The following ATP8A1 variants were observed in gnomAD, a reference collection of about 807,000 sequenced individuals.
ATP8A1 encodes ATPase phospholipid transporting 8A1, also known as phospholipid-transporting ATPase IA.
A neutral mutation model predicts 177.7 loss-of-function variants in ATP8A1; 90 were observed. That is an observed-to-expected ratio of 0.51 (90% CI 0.43 to 0.60). The LOEUF is 0.60. Ranked by LOEUF, ATP8A1 falls within the 20% of genes least tolerant of loss-of-function variation. ATP8A1 has a pLI of 0.00. For synonymous variants in ATP8A1, 493 were observed against 485.9 expected (o/e 1.01, Z -0.19); for missense variants, 1,072 against 1,392.8 (o/e 0.77, Z 3.67).
intron 1 of ATP8A1, among the ~76,000 whole-genome samples, chr4:42,634,600 T>C (rs1739086447): frequency 6.6e-6 from 1 of 152,180 alleles, no homozygotes; most frequent in Non-Finnish European, 1.5e-5. Flanking sequence ...TGAGAGAGAC[T>C]GTTTAGGTCT....
intron 25 of ATP8A1, among the ~76,000 whole-genome samples, chr4:42,466,350 A>G (rs566443112): frequency 3.3e-5 from 5 of 152,360 alleles, no homozygotes; most frequent in African/African-American, 1.2e-4. Context: ...AAAAATGAAG[A>G]TCACCACTTT....
At position 42,645,048 on chromosome 4, in the gene ATP8A1, T is replaced by C. The variant is rs1390971456; in HGVS notation, c.49+11777A>G. On this transcript the variant is annotated intron_variant, in intron 1 of 36. Coordinates refer to ENST00000381668, the MANE Select transcript of ATP8A1 (RefSeq NM_006095.2). ...AAAAGCAAGCAGGTTACCAAAAAACTAGTAATGACACTGCAGAAAAGCTCA... is the reference window on the plus strand; with the variant it reads ...AAAAGCAAGCAGGTTACCAAAAAACCAGTAATGACACTGCAGAAAAGCTCA... Among the ~76,000 whole-genome samples, 3 of 152,220 alleles carry C rather than the reference T, an allele frequency of 2.0e-5. No homozygotes were observed. In the South Asian group the frequency reaches 6.2e-4, roughly 32 times the overall value.
chr4:42,538,011 T>C lies in ATP8A1; in HGVS notation c.1722+5906A>G, dbSNP rs569812076. Among the ~76,000 whole-genome samples, 100 of 152,038 alleles carry C rather than the reference T, an allele frequency of 6.6e-4. 1 individual carries two copies. Among genetic ancestry groups the C allele is most frequent in the African/African-American group, 2.3e-3 (96 of 41,502 alleles). On this transcript the variant is annotated intron_variant, in intron 20 of 36. Transcript: ENST00000381668. ...TCACATAACCTGACCTCAAACTATATATAATACTATATAAGGCCATAGTCA... is the reference window on the plus strand; with the variant it reads ...TCACATAACCTGACCTCAAACTATACATAATACTATATAAGGCCATAGTCA...
intron 33 of ATP8A1, among the ~76,000 whole-genome samples, chr4:42,435,241 C>A (rs771330971): frequency 3.2e-4 from 48 of 151,852 alleles, no homozygotes; most frequent in Non-Finnish European, 5.0e-4. Context: ...GCCTGGCCAA[C>A]ACGGCAAAAA....
intron 25 of ATP8A1, among the ~76,000 whole-genome samples, chr4:42,477,786 A>T (rs908524903): frequency 3.3e-5 from 5 of 151,524 alleles, no homozygotes; most frequent in African/African-American, 1.2e-4. Flanking sequence ...AGCCTGGGCA[A>T]CAAAGGCAGA....
At chr4:42,501,459 T>G (rs1723848826) in intron 24 of ATP8A1, among the ~76,000 whole-genome samples, 1 of 152,228 alleles carries the variant, frequency 6.6e-6, no homozygotes, top group Non-Finnish European at 1.5e-5. Context: ...CCTGTGCTAT[T>G]TCACAGAATG....
At chr4:42,630,339 T>G (rs984571959) in intron 1 of ATP8A1, among the ~76,000 whole-genome samples, 15 of 152,334 alleles carry the variant, frequency 9.8e-5, no homozygotes, top group Middle Eastern at 3.4e-3. Context: ...TTTAGAGGGT[T>G]CGTTCACATA....
intron 27 of ATP8A1, among the ~76,000 whole-genome samples, chr4:42,458,284 T>C (rs13105468): frequency 6.6e-6 from 1 of 152,006 alleles, no homozygotes; most frequent in Non-Finnish European, 1.5e-5. Flanking sequence ...CCGGTCCCTC[T>C]GGGGAGGTGT....
At chr4:42,559,512 T>C (rs555372233) in intron 15 of ATP8A1, among the ~76,000 whole-genome samples, 19 of 152,336 alleles carry the variant, frequency 1.2e-4, no homozygotes, top group South Asian at 4.1e-4. Flanking sequence ...TAGTAAAGCA[T>C]GTATCATTGG....
intron 6 of ATP8A1, among the ~76,000 whole-genome samples, chr4:42,595,777 C>T (rs1734658919): frequency 6.6e-6 from 1 of 152,210 alleles, no homozygotes; most frequent in South Asian, 2.1e-4. Flanking sequence ...ACGTCCTCTA[C>T]ACTATCGTGT....
At chr4:42,552,701 T>C (rs1451176292) in intron 16 of ATP8A1, 91 bp from the exon 17 acceptor site, 3 of 959,922 alleles carry the variant, frequency 3.1e-6, no homozygotes, top group Non-Finnish European at 4.7e-6. Context: ...AAGAACATAG[T>C]TGTTGGCCAG....
chr4:42,459,893 G>A (rs1000864545), intron 27 of ATP8A1, among the ~76,000 whole-genome samples: 1 of 152,004 alleles, frequency 6.6e-6, no homozygotes, highest in Non-Finnish European at 1.5e-5. Flanking sequence ...CCGGGTTCAC[G>A]CCATTCTCCT....
At chr4:42,439,729 G>T (rs1438577756) in intron 33 of ATP8A1, among the ~76,000 whole-genome samples, 1 of 152,176 alleles carries the variant, frequency 6.6e-6, no homozygotes, top group African/African-American at 2.4e-5. Context: ...AGGTAGTGCT[G>T]CCAGTAAAAC....
chr4:42,655,964 A>G (rs1741567386), intron 1 of ATP8A1, among the ~76,000 whole-genome samples: 1 of 152,244 alleles, frequency 6.6e-6, no homozygotes, highest in South Asian at 2.1e-4. Flanking sequence ...ATGGGAGAGG[A>G]CAAACAAACC....
At chr4:42,612,138 T>G (rs1736431424) in intron 5 of ATP8A1, among the ~76,000 whole-genome samples, 1 of 152,144 alleles carries the variant, frequency 6.6e-6, no homozygotes, top group Non-Finnish European at 1.5e-5. Context: ...ATATTTGGAT[T>G]TTATCAGTGA....
At chr4:42,455,690 A>G in intron 27 of ATP8A1, 91 bp from the exon 28 acceptor site, 1 of 1,096,164 alleles carries the variant, frequency 9.1e-7, no homozygotes, top group East Asian at 2.5e-5. Flanking sequence ...GCTGCATAAT[A>G]GCAGCATTAA....
At chr4:42,643,167 G>A (rs1392820435) in intron 1 of ATP8A1, among the ~76,000 whole-genome samples, 3 of 152,242 alleles carry the variant, frequency 2.0e-5, no homozygotes, top group African/African-American at 2.4e-5. Context: ...AATCCATACA[G>A]TTCCCAGATA....
At chr4:42,426,252 A>G (rs1365298575) in intron 33 of ATP8A1, among the ~76,000 whole-genome samples, 2 of 152,178 alleles carry the variant, frequency 1.3e-5, no homozygotes, top group South Asian at 2.1e-4. Flanking sequence ...TTCACCTTCA[A>G]TGTGCCCATG....
intron 4 of ATP8A1, among the ~76,000 whole-genome samples, chr4:42,620,243 T>G (rs1737333251): frequency 6.6e-6 from 1 of 152,212 alleles, no homozygotes; most frequent in African/African-American, 2.4e-5. Context: ...TCTTTCAAAC[T>G]TTCTATCACT....
Sources: allele counts gnomAD v4.1 joint callset (sites outside exome capture counted in the v4.1 genomes callset), GRCh38; gene constraint gnomAD v4.1.1; transcripts MANE v1.5; gene names NCBI Gene and HGNC (gene_info 2026-07-23, HGNC 2026-07-21).